The following BIRC3 variants were observed in gnomAD, a reference collection of about 807,000 sequenced individuals.
BIRC3 encodes baculoviral IAP repeat-containing protein 3.
A neutral mutation model predicts 59.0 loss-of-function variants in BIRC3; 26 were observed. The ratio of observed to expected loss-of-function variants is 0.44; its 90% CI spans 0.32 to 0.61. The LOEUF (loss-of-function observed/expected upper bound fraction) is 0.61, where lower values mean the gene tolerates loss of function less well. Among genes scored for constraint, BIRC3 ranks in the 20% least tolerant of loss-of-function variants. The pLI is 0.04. For synonymous variants in BIRC3, 243 were observed against 249.2 expected (o/e 0.98, Z 0.24); for missense variants, 641 against 711.5 (o/e 0.90, Z 1.13).
intron 6 of BIRC3, among the ~76,000 whole-genome samples, chr11:102,335,687 G>T (rs1951188282): frequency 6.6e-6 from 1 of 151,842 alleles, no homozygotes; most frequent in Non-Finnish European, 1.5e-5. Flanking sequence ...TTGCTATGTT[G>T]CCCAGTCTGG....
chr11:102,317,517 G>A lies in BIRC3; in HGVS notation c.-2728G>A, dbSNP rs542557444. 6.6e-6 allele frequency: 1 copy of A among 152,604 alleles called. No individual in the cohort carries two copies. The highest frequency in any genetic ancestry group is 2.1e-4 in the South Asian group (1 of 4,846). The allele number at this position is 152,604 out of a possible 1,614,324, so 9.5% of individuals were successfully genotyped here. ...AAAGGCCAGGCGACAGGTGTCGCTTGAAAAGACTGGGCTTGTCCTTGCTGG... is the reference window on the plus strand; with the variant it reads ...AAAGGCCAGGCGACAGGTGTCGCTTAAAAAGACTGGGCTTGTCCTTGCTGG... On this transcript the variant is annotated 5_prime_UTR_variant, in exon 1 of 9. Coordinates refer to ENST00000263464, the MANE Select transcript of BIRC3 (RefSeq NM_001165.5).
rs766775968 is a variant in BIRC3, at chr11:102,325,466, G to T, written c.854G>T (p.Gly285Val). 2 of 1,610,410 alleles carry T rather than the reference G, an allele frequency of 1.2e-6. No individual in the cohort carries two copies. The highest frequency in any genetic ancestry group is 3.3e-5 in the Admixed American group (2 of 59,726). ...AGTTTTGGTCTAAAATTAATTTTAG[G>T]TAACAGTGATGATGTCAAATGCTTT... The part of the protein sequence containing the change: ...QLASAGFYYV[G>V]NSDDVKCFCC... The change falls in exon 3 of 9, where the codon GGT (glycine) becomes GTT (valine). Residue 285 changes from glycine to valine, a missense_variant and splice_region_variant. Coordinates refer to ENST00000263464, the MANE Select transcript of BIRC3 (RefSeq NM_001165.5).
chr11:102,335,944 G>C (rs759590535), intron 6 of BIRC3, 22 bp from the exon 7 acceptor site: 14 of 1,594,482 alleles, frequency 8.8e-6, no homozygotes, highest in Non-Finnish European at 8.5e-6. Context: ...ACATGTTTAT[G>C]CTTGTTTTCT....
At position 102,324,474 on chromosome 11, in the gene BIRC3, A is replaced by G. The variant is rs1282116906; in HGVS notation, c.-36A>G. 3.9e-6 allele frequency: 6 copies of G among 1,552,816 alleles called. No homozygotes were observed. The highest frequency in any genetic ancestry group is 4.3e-6 in the Non-Finnish European group (5 of 1,151,760). On this transcript the variant is annotated 5_prime_UTR_variant, in exon 2 of 9. Transcript: ENST00000263464. ...CATGCACAAAACTACCTCCCTAGAGAAAGGCTAGTCCCTTTTCTTCCCCAT... is the reference window on the plus strand; with the variant it reads ...CATGCACAAAACTACCTCCCTAGAGGAAGGCTAGTCCCTTTTCTTCCCCAT...
At position 102,336,015 on chromosome 11, in the gene BIRC3, G is replaced by T; in HGVS notation, c.1374G>T (p.Leu458Phe). Residue 458 changes from leucine (L) to phenylalanine (F), a missense_variant, in exon 7 of 9, where the codon TTG becomes TTT. Leu to Phe is a conservative substitution (Grantham distance 22). This residue lies in a region of BIRC3 where 268 missense variants were observed against 255.7 expected (regional missense o/e 1.05). Transcript: ENST00000263464. ...RKNRMALFQH[L>F]TCVIPILDSL... ...ATAGAATGGCACTTTTTCAACATTT[G>T]ACTTGTGTAATTCCAATCCTGGATA... The T allele has an allele frequency of 6.2e-7, 1 of 1,612,032 alleles. No homozygotes were observed. The highest frequency in any genetic ancestry group is 1.1e-5 in the South Asian group (1 of 90,488).
intron 6 of BIRC3, among the ~76,000 whole-genome samples, chr11:102,331,613 C>T (rs750695780): frequency 6.6e-6 from 1 of 151,972 alleles, no homozygotes; most frequent in Non-Finnish European, 1.5e-5. Flanking sequence ...GTTGCTCACT[C>T]CCCTTTGGAG....
rs776712949 is a variant in BIRC3 at position 102,335,535 on chromosome 11, A to G, written c.1325-431A>G. On this transcript the variant is annotated intron_variant, in intron 6 of 8. Coordinates refer to ENST00000263464, the MANE Select transcript of BIRC3 (RefSeq NM_001165.5). Reference sequence around the variant, plus strand: ...ATTTTCTCATTTGTTAAATGAGGCTATTAGGACCTACCTCAAAGAGCTGTT... The same window carrying G: ...ATTTTCTCATTTGTTAAATGAGGCTGTTAGGACCTACCTCAAAGAGCTGTT... Among the ~76,000 whole-genome samples the G allele has an allele frequency of 4.6e-5, 7 of 152,354 alleles. No individual in the cohort carries two copies. The South Asian group carries it at 1.5e-3, about 32-fold the overall frequency.
intron 3 of BIRC3, among the ~76,000 whole-genome samples, chr11:102,327,034 G>C (rs1951090035): frequency 6.6e-6 from 1 of 152,228 alleles, no homozygotes; most frequent in East Asian, 1.9e-4. Context: ...AGGAGAGATG[G>C]TCTTACTTGA....
At chr11:102,317,863 A>C (rs1287227688) in intron 1 of BIRC3, among the ~76,000 whole-genome samples, 1 of 152,220 alleles carries the variant, frequency 6.6e-6, no homozygotes, top group Non-Finnish European at 1.5e-5. Flanking sequence ...TCGGTTGCCA[A>C]GAGTTATCAC....
rs905188501 is a variant in BIRC3 at position 102,326,833 on chromosome 11, C to G, written c.954-1219C>G. ...GGCAATTCTCATGCCTCGAGCCTCG[C>G]TAGTAGCTGGGATTACAGGTGCACG... On this transcript the variant is annotated intron_variant, in intron 3 of 8. Transcript: ENST00000263464. 11 of 452,524 alleles carry G rather than the reference C, an allele frequency of 2.4e-5. 1 individual carries two copies. The Admixed American group carries it at 2.6e-4, about 11-fold the overall frequency. The allele number at this position is 452,524 out of a possible 1,614,324, so 28.0% of individuals were successfully genotyped here.
At chr11:102,336,570 G>C in intron 7 of BIRC3, 190 bp from the exon 8 acceptor site, 2 of 626,030 alleles carry the variant, frequency 3.2e-6, no homozygotes, top group Non-Finnish European at 5.3e-6. Flanking sequence ...CTCCAGCTTG[G>C]GTGACAGACT....
rs746959298 is a variant in BIRC3, at chr11:102,336,719, C to T, written c.1580-41C>T. ...AATAGATTCCATAGCTAAATATTAACCTTATTTGTCATAGTAATGCTTTTT... is the reference window on the plus strand; with the variant it reads ...AATAGATTCCATAGCTAAATATTAATCTTATTTGTCATAGTAATGCTTTTT... On this transcript the variant is annotated intron_variant, in intron 7 of 8. Coordinates refer to ENST00000263464, the MANE Select transcript of BIRC3 (RefSeq NM_001165.5). The T allele has an allele frequency of 2.6e-6, 4 of 1,560,884 alleles. No individual in the cohort carries two copies. In the African/African-American group the frequency reaches 4.1e-5, roughly 16 times the overall value.
At position 102,324,462 on chromosome 11, in the gene BIRC3, A is replaced by T. The variant is rs1472563246; in HGVS notation, c.-48A>T. ...TAAAAGCAAAGCCATGCACAAAACT[A>T]CCTCCCTAGAGAAAGGCTAGTCCCT... On this transcript the variant is annotated 5_prime_UTR_variant, in exon 2 of 9. Coordinates refer to ENST00000263464, the MANE Select transcript of BIRC3 (RefSeq NM_001165.5). The T allele has an allele frequency of 2.0e-6, 3 of 1,532,882 alleles. No homozygotes were observed. The highest frequency in any genetic ancestry group is 2.6e-6 in the Non-Finnish European group (3 of 1,143,888). The allele number at this position is 1,532,882 out of a possible 1,614,324, so 95.0% of individuals were successfully genotyped here. A position where few individuals can be genotyped will look rare whatever the true frequency, so the allele number is the denominator to read the frequency against.
intron 3 of BIRC3, 83 bp from the exon 4 acceptor site, chr11:102,327,969 C>T: frequency 9.5e-7 from 1 of 1,052,584 alleles, no homozygotes; most frequent in Non-Finnish European, 1.4e-6. Flanking sequence ...GAATAAACAC[C>T]TAGAGATGAG....
At chr11:102,318,995 G>A (rs1565319905) in intron 1 of BIRC3, among the ~76,000 whole-genome samples, 2 of 152,086 alleles carry the variant, frequency 1.3e-5, no homozygotes, top group African/African-American at 2.4e-5. Flanking sequence ...GTGAAGAGAA[G>A]GGGTGATACA....
chr11:102,327,971 A>T, intron 3 of BIRC3, 81 bp from the exon 4 acceptor site: 1 of 1,074,766 alleles, frequency 9.3e-7, no homozygotes, highest in Non-Finnish European at 1.4e-6. Flanking sequence ...ATAAACACCT[A>T]GAGATGAGAA....
intron 1 of BIRC3, among the ~76,000 whole-genome samples, chr11:102,319,616 T>C (rs1288970773): frequency 1.3e-5 from 2 of 152,172 alleles, no homozygotes; most frequent in African/African-American, 4.8e-5. Flanking sequence ...CTCTTTTCTT[T>C]GAGAAACAGA....
At position 102,339,080 on chromosome 11, in the gene BIRC3, T is replaced by A. The variant is rs1299870486; in HGVS notation, c.*1978T>A. The stretch of plus-strand genomic sequence containing the variant: ...ATTGATTTTGCCTCTGCTAAGAGGC[T>A]CTGCTGGCTACCCATGTACTAGCCA... On this transcript the variant is annotated 3_prime_UTR_variant, in exon 9 of 9. Coordinates refer to ENST00000263464, the MANE Select transcript of BIRC3 (RefSeq NM_001165.5). 1 of 209,398 alleles carries A rather than the reference T, an allele frequency of 4.8e-6. No homozygotes were observed. The highest frequency in any genetic ancestry group is 2.3e-5 in the African/African-American group (1 of 43,962). 13.0% of individuals were successfully genotyped at this position (209,398 alleles called of 1,614,324 possible). A position where few individuals can be genotyped will look rare whatever the true frequency, so the allele number is the denominator to read the frequency against.
intron 5 of BIRC3, among the ~76,000 whole-genome samples, chr11:102,330,716 C>A (rs747568367): frequency 6.6e-6 from 1 of 152,154 alleles, no homozygotes; most frequent in South Asian, 2.1e-4. Flanking sequence ...GGGAGGTAAT[C>A]CCTGCCATTC....
Sources: gnomAD v4.1 joint callset for allele counts (sites outside exome capture counted in the v4.1 genomes callset) on GRCh38, gnomAD v4.1.1 for gene constraint, gnomAD v4.1.1 regional missense constraint, MANE v1.5 for transcripts, NCBI Gene and HGNC (gene_info 2026-07-23, HGNC 2026-07-21) for gene names.